Variants in ZNF804B observed in about 807,000 individuals in gnomAD.
The protein encoded by ZNF804B is zinc finger protein 804B.
ZNF804B carries 80 observed loss-of-function variants against 101.4 expected under a neutral mutation model. That is an observed-to-expected ratio of 0.79 (90% CI 0.66 to 0.95). ZNF804B has a LOEUF of 0.95. Among genes scored for constraint, ZNF804B ranks in the 40% least tolerant of loss-of-function variants. The pLI is 0.00. For synonymous variants in ZNF804B, 622 were observed against 558.8 expected (o/e 1.11, Z -1.59); for missense variants, 1,673 against 1,561.9 (o/e 1.07, Z -1.20).
chr7:88,825,681 A>G (rs1053088370), intron 1 of ZNF804B, among the ~76,000 whole-genome samples: 4 of 152,146 alleles, frequency 2.6e-5, no homozygotes, highest in Non-Finnish European at 5.9e-5. Context: ...CTTTTTATAA[A>G]AGAGATTGAG....
intron 2 of ZNF804B, among the ~76,000 whole-genome samples, chr7:89,258,577 C>G (rs1436912894): frequency 6.6e-6 from 1 of 151,872 alleles, no homozygotes; most frequent in African/African-American, 2.4e-5. Flanking sequence ...TACAATTTAC[C>G]CTTGAACAAA....
intron 1 of ZNF804B, among the ~76,000 whole-genome samples, chr7:88,963,206 A>G (rs1043807717): frequency 3.0e-4 from 45 of 151,412 alleles, no homozygotes; most frequent in Middle Eastern, 3.4e-3. Flanking sequence ...GGGGCACTGA[A>G]TAGCCAAAAC....
chr7:89,148,444 C>A (rs1364796551), intron 1 of ZNF804B, among the ~76,000 whole-genome samples: 1 of 151,986 alleles, frequency 6.6e-6, no homozygotes, highest in Non-Finnish European at 1.5e-5. Context: ...ATAGGCAAGG[C>A]ATTCATTCTC....
intron 1 of ZNF804B, among the ~76,000 whole-genome samples, chr7:88,844,447 C>G (rs4728787): frequency 0.55 from 84,014 of 152,084 alleles, 26,841 homozygotes; most frequent in African/African-American, 0.87. Flanking sequence ...TTGTCTAATT[C>G]CTTCTTTGGC....
intron 1 of ZNF804B, among the ~76,000 whole-genome samples, chr7:89,077,749 G>T (rs1789635947): frequency 6.6e-6 from 1 of 151,984 alleles, no homozygotes; most frequent in South Asian, 2.1e-4. Context: ...CTTCCCCAAG[G>T]TTCTCTCTTT....
At chr7:88,827,587 A>G (rs1445986569) in intron 1 of ZNF804B, among the ~76,000 whole-genome samples, 1 of 152,034 alleles carries the variant, frequency 6.6e-6, no homozygotes, top group East Asian at 1.9e-4. Context: ...CTCTAGGTGC[A>G]CTTTTAACAG....
At chr7:89,009,958 A>T (rs1200493908) in intron 1 of ZNF804B, among the ~76,000 whole-genome samples, 3 of 152,158 alleles carry the variant, frequency 2.0e-5, no homozygotes, top group Non-Finnish European at 4.4e-5. Context: ...ATTTTTACTA[A>T]ATCTCATTTT....
At chr7:88,857,482 C>G (rs1281771301) in intron 1 of ZNF804B, among the ~76,000 whole-genome samples, 1 of 152,160 alleles carries the variant, frequency 6.6e-6, no homozygotes, top group African/African-American at 2.4e-5. Context: ...ATACTATCAA[C>G]AACTCTACAC....
intron 2 of ZNF804B, among the ~76,000 whole-genome samples, chr7:89,291,729 A>G (rs2115898083): frequency 1.3e-5 from 2 of 152,272 alleles, no homozygotes; most frequent in Middle Eastern, 3.4e-3. Context: ...ATGGGTAATA[A>G]TAGAGAACTT....
At chr7:89,227,135 C>A (rs781245213) in intron 2 of ZNF804B, among the ~76,000 whole-genome samples, 2 of 152,110 alleles carry the variant, frequency 1.3e-5, no homozygotes, top group Non-Finnish European at 2.9e-5. Flanking sequence ...GCTATGTTTT[C>A]TTTATTTCCT....
At chr7:89,211,224 T>C (rs1331853202) in intron 1 of ZNF804B, among the ~76,000 whole-genome samples, 1 of 152,174 alleles carries the variant, frequency 6.6e-6, no homozygotes, top group Non-Finnish European at 1.5e-5. Context: ...TTTAAGTTAT[T>C]TGTAGATTCT....
intron 2 of ZNF804B, among the ~76,000 whole-genome samples, chr7:89,326,286 A>C (rs1427655012): frequency 1.3e-5 from 2 of 151,992 alleles, no homozygotes; most frequent in African/African-American, 2.4e-5. Context: ...TTCTTCTTCA[A>C]ATCCTTAGCT....
chr7:88,802,192 T>G (rs1456891261), intron 1 of ZNF804B, among the ~76,000 whole-genome samples: 3 of 152,160 alleles, frequency 2.0e-5, no homozygotes, highest in African/African-American at 7.2e-5. Context: ...TCCTCAATCA[T>G]GCGAAACTGT....
At chr7:88,909,092 T>C (rs1792512804) in intron 1 of ZNF804B, among the ~76,000 whole-genome samples, 1 of 151,786 alleles carries the variant, frequency 6.6e-6, no homozygotes, top group Admixed American at 6.6e-5. Context: ...ACCTAATTGA[T>C]GAGTAAGCCT....
intron 1 of ZNF804B, among the ~76,000 whole-genome samples, chr7:89,031,314 T>C (rs77239397): frequency 0.041 from 6,264 of 151,702 alleles, 426 homozygotes; most frequent in African/African-American, 0.14. Flanking sequence ...CAATTACCCT[T>C]TGCGCACGGC....
chr7:89,277,454 A>C, intron 2 of ZNF804B, among the ~76,000 whole-genome samples: 2 of 111,174 alleles, frequency 1.8e-5, no homozygotes, highest in African/African-American at 7.3e-5. Flanking sequence ...CATTAGGTAT[A>C]TCTCCCAATG....
chr7:89,239,316 C>T (rs1483046381), intron 2 of ZNF804B, among the ~76,000 whole-genome samples: 1 of 152,138 alleles, frequency 6.6e-6, no homozygotes, highest in Non-Finnish European at 1.5e-5. Context: ...GCAACCACAA[C>T]ATCATTTCTG....
chr7:89,075,435 G>A (rs1789602047), intron 1 of ZNF804B, among the ~76,000 whole-genome samples: 1 of 152,186 alleles, frequency 6.6e-6, no homozygotes, highest in African/African-American at 2.4e-5. Flanking sequence ...TTCAGAGGGT[G>A]CAAGCCTCAA....
chr7:88,902,529 T>C (rs1792408017), intron 1 of ZNF804B, among the ~76,000 whole-genome samples: 1 of 152,020 alleles, frequency 6.6e-6, no homozygotes, highest in Non-Finnish European at 1.5e-5. Context: ...ACATTTTTTC[T>C]TTCCTGAATA....
Sources: allele counts gnomAD v4.1 joint callset (sites outside exome capture counted in the v4.1 genomes callset), GRCh38; gene constraint gnomAD v4.1.1; transcripts MANE v1.5; gene names NCBI Gene and HGNC (gene_info 2026-07-23, HGNC 2026-07-21).